KCNJ14: variants seen among roughly 807,000 people sequenced by gnomAD.
KCNJ14 encodes the protein potassium inwardly rectifying channel subfamily J member 14, also known as ATP-sensitive inward rectifier potassium channel 14.
In KCNJ14, 18 loss-of-function variants were observed where a neutral mutation model predicts 24.5. That is an observed-to-expected ratio of 0.74 (90% CI 0.51 to 1.09). KCNJ14 has a LOEUF of 1.09. KCNJ14 is among the 50% of genes least tolerant of loss of function. The pLI is 0.00. For missense variants in KCNJ14, 633 were observed against 623.0 expected (o/e 1.02, Z -0.17); for synonymous variants, 288 against 270.8 (o/e 1.06, Z -0.63).
chr19:48,464,398 C>T lies in KCNJ14; in HGVS notation c.932C>T (p.Ala311Val), dbSNP rs748066542. Residue 311 changes from alanine to valine, a missense_variant, in exon 3 of 3, where the codon GCC becomes GTC. By Grantham distance (64) the Ala-to-Val change is moderately conservative. Transcript: ENST00000342291. ...CTCGAGGGGATGGTTGAGGCCACAG[C>T]CATGACCACACAGTGTCGCTCGTCC... ...VILEGMVEAT[A>V]MTTQCRSSYL... 2.5e-6 allele frequency: 4 copies of T among 1,613,460 alleles called. No individual in the cohort carries two copies. Among genetic ancestry groups the T allele is most frequent in the Non-Finnish European group, 3.4e-6 (4 of 1,179,762 alleles).
chr19:48,465,639 A>G lies in KCNJ14; in HGVS notation c.*862A>G, dbSNP rs953703473. The stretch of plus-strand genomic sequence containing the variant: ...GTGGGTTGTTTTTTTTTAAAGTGCC[A>G]TTCTAGAATGTCCAAAGGGAATCAG... On this transcript the variant is annotated 3_prime_UTR_variant, in exon 3 of 3. Coordinates refer to ENST00000342291, the MANE Select transcript of KCNJ14 (RefSeq NM_013348.4). 3 of 152,574 alleles carry G rather than the reference A, an allele frequency of 2.0e-5. No individual in the cohort carries two copies. Among genetic ancestry groups the G allele is most frequent in the Non-Finnish European group, 4.4e-5 (3 of 68,042 alleles). The allele number at this position is 152,574 out of a possible 1,614,324, so 9.5% of individuals were successfully genotyped here.
At position 48,462,442 on chromosome 19, in the gene KCNJ14, C is replaced by A. The variant is rs1272989332; in HGVS notation, c.714+4C>A. 6 of 1,464,078 alleles carry A rather than the reference C, an allele frequency of 4.1e-6. No homozygotes were observed. Among genetic ancestry groups the A allele is most frequent in the South Asian group, 1.4e-5 (1 of 71,274 alleles). The allele number at this position is 1,464,078 out of a possible 1,614,324, so 90.7% of individuals were successfully genotyped here. A position where few individuals can be genotyped will look rare whatever the true frequency, so the allele number is the denominator to read the frequency against. On this transcript the variant is annotated splice_donor_region_variant and intron_variant, in intron 2 of 2. Coordinates refer to ENST00000342291, the MANE Select transcript of KCNJ14 (RefSeq NM_013348.4). This position sits in a 1 kb window ranked among gnomAD's most constrained non-coding sequence, Gnocchi z 4.9. ...CGTGCGTGCCCAGCTGCTGCAGGTG[C>A]GCCCGGGAGGAGAGGCGGGGACTTC...
At chr19:48,457,800 C>T (rs776918428) in intron 1 of KCNJ14, among the ~76,000 whole-genome samples, 1 of 152,132 alleles carries the variant, frequency 6.6e-6, no homozygotes, top group Non-Finnish European at 1.5e-5. Context: ...ACCTCAGCCT[C>T]CCGAGTAGCT....
rs1296615919 is a variant in KCNJ14 at position 48,465,447 on chromosome 19, C to G, written c.*670C>G. On this transcript the variant is annotated 3_prime_UTR_variant, in exon 3 of 3. Coordinates refer to ENST00000342291, the MANE Select transcript of KCNJ14 (RefSeq NM_013348.4). Reference sequence around the variant, plus strand: ...ATTTTACGTGGAGAGTTGAACTACTCCAGAAACTAAAGAGTAATGTTTCTA... The same window carrying G: ...ATTTTACGTGGAGAGTTGAACTACTGCAGAAACTAAAGAGTAATGTTTCTA... 1 of 152,052 alleles carries G rather than the reference C, an allele frequency of 6.6e-6. No homozygotes were observed. Among genetic ancestry groups the G allele is most frequent in the African/African-American group, 2.4e-5 (1 of 41,378 alleles). The allele number at this position is 152,052 out of a possible 1,614,324, so 9.4% of individuals were successfully genotyped here.
chr19:48,464,862 G>A lies in KCNJ14; in HGVS notation c.*85G>A, dbSNP rs1054445822. Reference sequence around the variant, plus strand: ...GATGGGGCTCTCTCCTGGGATGGGGGCAGGTGTTCCTGAATACCGACAGGC... The same window carrying A: ...GATGGGGCTCTCTCCTGGGATGGGGACAGGTGTTCCTGAATACCGACAGGC... On this transcript the variant is annotated 3_prime_UTR_variant, in exon 3 of 3. Transcript: ENST00000342291. 1.5e-5 allele frequency: 16 copies of A among 1,033,116 alleles called. No individual in the cohort carries two copies. The highest frequency in any genetic ancestry group is 3.2e-5 in the African/African-American group (2 of 63,184). 64.0% of individuals were successfully genotyped at this position (1,033,116 alleles called of 1,614,324 possible).
chr19:48,455,961 G>T (rs1251046118), intron 1 of KCNJ14, 103 bp downstream of exon 1: 1 of 152,268 alleles, frequency 6.6e-6, no homozygotes, highest in Admixed American at 6.5e-5. Flanking sequence ...GAGTGCTCTT[G>T]AGAAGACTGT....
chr19:48,462,449 G>C lies in KCNJ14; in HGVS notation c.714+11G>C, dbSNP rs1213676843. ...GCCCAGCTGCTGCAGGTGCGCCCGGGAGGAGAGGCGGGGACTTCCGTGAGC... is the reference window on the plus strand; with the variant it reads ...GCCCAGCTGCTGCAGGTGCGCCCGGCAGGAGAGGCGGGGACTTCCGTGAGC... On this transcript the variant is annotated intron_variant, in intron 2 of 2. Coordinates refer to ENST00000342291, the MANE Select transcript of KCNJ14 (RefSeq NM_013348.4). This position sits in a 1 kb window ranked among gnomAD's most constrained non-coding sequence, Gnocchi z 4.9. 4 of 1,458,016 alleles carry C rather than the reference G, an allele frequency of 2.7e-6. No homozygotes were observed. In the East Asian group the frequency reaches 7.5e-5, roughly 27 times the overall value. 90.3% of individuals were successfully genotyped at this position (1,458,016 alleles called of 1,614,324 possible).
intron 2 of KCNJ14, among the ~76,000 whole-genome samples, chr19:48,463,631 A>C (rs2147495106): frequency 6.6e-6 from 1 of 152,318 alleles, no homozygotes; most frequent in African/African-American, 2.4e-5. Flanking sequence ...TGGTGGGTGC[A>C]GAATGTTGGA....
chr19:48,463,365 C>G (rs1364715288), intron 2 of KCNJ14, among the ~76,000 whole-genome samples: 1 of 152,098 alleles, frequency 6.6e-6, no homozygotes, highest in Non-Finnish European at 1.5e-5. Context: ...AGGATAGATG[C>G]CCACCTCCCA....
chr19:48,464,921 C>A lies in KCNJ14; in HGVS notation c.*144C>A, dbSNP rs1601013736. 4.5e-6 allele frequency: 3 copies of A among 668,508 alleles called. No homozygotes were observed. In the African/African-American group the frequency reaches 5.4e-5, roughly 12 times the overall value. 41.4% of individuals were successfully genotyped at this position (668,508 alleles called of 1,614,324 possible). On this transcript the variant is annotated 3_prime_UTR_variant, in exon 3 of 3. Coordinates refer to ENST00000342291, the MANE Select transcript of KCNJ14 (RefSeq NM_013348.4). ...TAAATGACTAGGTGGTAAGGTTCTG[C>A]CATGCCTGGTGACCCACCATGGACA... is the stretch of plus-strand genomic sequence containing the variant.
chr19:48,464,381 G>A lies in KCNJ14; in HGVS notation c.915G>A (p.Gly305=), dbSNP rs1310815448. 1.2e-6 allele frequency: 2 copies of A among 1,613,298 alleles called. No homozygotes were observed. The highest frequency in any genetic ancestry group is 1.7e-6 in the Non-Finnish European group (2 of 1,179,670). ...TTGAGCTGGTGGTCATTCTCGAGGGGATGGTTGAGGCCACAGCCATGACCA... is the reference window on the plus strand; with the variant it reads ...TTGAGCTGGTGGTCATTCTCGAGGGAATGGTTGAGGCCACAGCCATGACCA... ...ADFELVVILE[G]MVEATAMTTQ... The change falls in exon 3 of 3, where the codon GGG becomes GGA. Residue 305 remains glycine, a synonymous_variant. Coordinates refer to ENST00000342291, the MANE Select transcript of KCNJ14 (RefSeq NM_013348.4).
rs981843732 is a variant in KCNJ14, at chr19:48,464,827, A to C, written c.*50A>C. On this transcript the variant is annotated 3_prime_UTR_variant, in exon 3 of 3. Transcript: ENST00000342291. The stretch of plus-strand genomic sequence containing the variant: ...TGTATGCCCCCTTCCCCAAGGTAGC[A>C]AGATGGAGGGATGGGGCTCTCTCCT... The C allele has an allele frequency of 1.5e-6, 2 of 1,358,214 alleles. No homozygotes were observed. The highest frequency in any genetic ancestry group is 2.9e-5 in the African/African-American group (2 of 70,052). 84.1% of individuals were successfully genotyped at this position (1,358,214 alleles called of 1,614,324 possible). A position where few individuals can be genotyped will look rare whatever the true frequency, so the allele number is the denominator to read the frequency against.
chr19:48,456,732 G>A (rs1157422840), intron 1 of KCNJ14: 1 of 152,244 alleles, frequency 6.6e-6, no homozygotes, highest in East Asian at 1.9e-4. Flanking sequence ...GTTTGGTAAC[G>A]TTGCAGTGAA....
chr19:48,462,740 G>A lies in KCNJ14; in HGVS notation c.714+302G>A, dbSNP rs1971615295. 6.6e-6 allele frequency among the ~76,000 whole-genome samples: 1 copy of A among 152,222 alleles called. No homozygotes were observed. ...CCACGCCTGGCCTGTCAAGGCTCTG[G>A]GCCGTAATTCCCAGAAGCCTCTGGG... is the stretch of plus-strand genomic sequence containing the variant. On this transcript the variant is annotated intron_variant, in intron 2 of 2. Transcript: ENST00000342291. This position sits in a 1 kb window ranked among gnomAD's most constrained non-coding sequence, Gnocchi z 4.9.
At position 48,462,920 on chromosome 19, in the gene KCNJ14, C is replaced by T. The variant is rs141303347; in HGVS notation, c.714+482C>T. On this transcript the variant is annotated intron_variant, in intron 2 of 2. Transcript: ENST00000342291. This position sits in a 1 kb window ranked among gnomAD's most constrained non-coding sequence, Gnocchi z 4.9. Reference sequence around the variant, plus strand: ...TGTGACTTGAGGCCCCCGGGAGAAGCAGGCCCTGGAATGGGTGCAGCTCAT... The same window carrying T: ...TGTGACTTGAGGCCCCCGGGAGAAGTAGGCCCTGGAATGGGTGCAGCTCAT... 5.0e-3 allele frequency among the ~76,000 whole-genome samples: 754 copies of T among 152,302 alleles called. 6 individuals are homozygous for T. Among genetic ancestry groups the T allele is most frequent in the African/African-American group, 0.017 (726 of 41,554 alleles).
rs1043472410 is a variant in KCNJ14, at chr19:48,462,691, G to A, written c.714+253G>A. Among the ~76,000 whole-genome samples, 2 of 152,202 alleles carry A rather than the reference G, an allele frequency of 1.3e-5. No individual in the cohort carries two copies. The highest frequency in any genetic ancestry group is 2.9e-5 in the Non-Finnish European group (2 of 68,018). The stretch of plus-strand genomic sequence containing the variant: ...GCTTCCTGTGGCTTGAGGATTGCCC[G>A]CCTGTGGGTAGACCCCAAAAGGGCC... On this transcript the variant is annotated intron_variant, in intron 2 of 2. Transcript: ENST00000342291. The surrounding 1 kb of genome is among the most constrained non-coding windows in gnomAD (Gnocchi z 4.9).
chr19:48,457,013 A>C (rs914352314), intron 1 of KCNJ14: 2 of 147,648 alleles, frequency 1.4e-5, no homozygotes, highest in African/African-American at 5.1e-5. Context: ...TTTTTCTTTA[A>C]GAGATAGGGT....
At chr19:48,461,616 A>G in intron 1 of KCNJ14, 54 bp from the exon 2 acceptor site, 1 of 561,096 alleles carries the variant, frequency 1.8e-6, no homozygotes, top group Non-Finnish European at 2.8e-6. Flanking sequence ...TGCTTGGCCG[A>G]TGAGCTCATC....
chr19:48,456,632 C>T (rs541744055), intron 1 of KCNJ14: 29 of 152,326 alleles, frequency 1.9e-4, no homozygotes, highest in African/African-American at 7.0e-4. Context: ...CCCTGAGGAT[C>T]CCCAGGTTCC....
Sources: gnomAD v4.1 joint callset for allele counts (sites outside exome capture counted in the v4.1 genomes callset) on GRCh38, gnomAD v4.1.1 for gene constraint, Gnocchi (gnomAD v3.1) non-coding constraint, MANE v1.5 for transcripts, NCBI Gene and HGNC (gene_info 2026-07-23, HGNC 2026-07-21) for gene names.